GULP1: variants seen among roughly 807,000 people sequenced by gnomAD.
The protein encoded by GULP1 is GULP PTB domain containing engulfment adaptor 1, also known as PTB domain-containing engulfment adapter protein 1.
GULP1 carries 19 observed loss-of-function variants against 40.9 expected under a neutral mutation model. The observed-to-expected ratio is 0.46, with a 90% CI of 0.32 to 0.68. The LOEUF (loss-of-function observed/expected upper bound fraction) is 0.68. Ranked by LOEUF, GULP1 falls within the 30% of genes least tolerant of loss-of-function variation. The probability of loss-of-function intolerance (pLI) is 0.03; values close to 1 mark genes in which losing one functional copy is unlikely to be tolerated. For missense variants in GULP1, 312 were observed against 362.2 expected, an observed-to-expected ratio of 0.86 and a Z score of 1.12; for synonymous variants, 119 against 117.6, an observed-to-expected ratio of 1.01 and a Z score of -0.08.
intron 7 of GULP1, among the ~76,000 whole-genome samples, chr2:188,550,161 A>G (rs1310238947): frequency 2.0e-5 from 3 of 151,772 alleles, no homozygotes; most frequent in Non-Finnish European, 4.4e-5. Context: ...TTATCTGAAA[A>G]TAAAGTTTAC....
At chr2:188,431,875 C>T (rs2056910175) in intron 2 of GULP1, among the ~76,000 whole-genome samples, 1 of 151,708 alleles carries the variant, frequency 6.6e-6, no homozygotes, top group African/African-American at 2.4e-5. Flanking sequence ...TTCTCTCTTA[C>T]TTACTGGTTT....
intron 1 of GULP1, among the ~76,000 whole-genome samples, chr2:188,376,935 A>T (rs2048361612): frequency 6.6e-6 from 1 of 152,164 alleles, no homozygotes; most frequent in African/African-American, 2.4e-5. Context: ...GCACTTTTGG[A>T]AGTTGAGGCT....
At chr2:188,469,135 G>A (rs2152997659) in intron 2 of GULP1, among the ~76,000 whole-genome samples, 1 of 152,296 alleles carries the variant, frequency 6.6e-6, no homozygotes, top group Admixed American at 6.5e-5. Context: ...CTTAACTAAA[G>A]TTTGATTAAG....
chr2:188,562,941 C>T (rs1056589807), intron 7 of GULP1, among the ~76,000 whole-genome samples: 8 of 151,612 alleles, frequency 5.3e-5, no homozygotes, highest in Non-Finnish European at 1.0e-4. Flanking sequence ...ATAACTATAG[C>T]TAAAAGAAAA....
chr2:188,463,895 AT>A (rs1466058239), intron 2 of GULP1, among the ~76,000 whole-genome samples: 6 of 152,086 alleles, frequency 3.9e-5, no homozygotes, highest in Non-Finnish European at 5.9e-5. Flanking sequence ...ATCTGATAGA[AT>A]TTTGAATTCC....
chr2:188,442,205 A>G (rs993125422), intron 2 of GULP1, among the ~76,000 whole-genome samples: 12 of 152,314 alleles, frequency 7.9e-5, no homozygotes, highest in African/African-American at 2.9e-4. Flanking sequence ...GATGTTTTTG[A>G]ATAATATATG....
At chr2:188,495,773 TGTTA>T (rs1422457675) in intron 4 of GULP1, among the ~76,000 whole-genome samples, 3 of 152,074 alleles carry the variant, frequency 2.0e-5, no homozygotes, top group Admixed American at 2.0e-4. Context: ...GCTCATTAAA[TGTTA>T]GTTATTCTCT....
intron 2 of GULP1, among the ~76,000 whole-genome samples, chr2:188,439,233 TA>T (rs2057708550): frequency 6.6e-6 from 1 of 150,864 alleles, no homozygotes; most frequent in African/African-American, 2.5e-5. Flanking sequence ...TCATAAAGAT[TA>T]AAATTTAAAA....
chr2:188,399,378 T>G (rs1193416454), intron 2 of GULP1, among the ~76,000 whole-genome samples: 1 of 151,956 alleles, frequency 6.6e-6, no homozygotes, highest in Non-Finnish European at 1.5e-5. Context: ...TGAGTTTGAG[T>G]CATTTGCCCC....
chr2:188,348,406 G>A (rs1190384459), intron 1 of GULP1, among the ~76,000 whole-genome samples: 1 of 152,118 alleles, frequency 6.6e-6, no homozygotes, highest in Non-Finnish European at 1.5e-5. Context: ...CATCCATCCA[G>A]TAATTGCTGG....
intron 1 of GULP1, among the ~76,000 whole-genome samples, chr2:188,343,352 T>A (rs2043212480): frequency 6.6e-6 from 1 of 151,466 alleles, no homozygotes; most frequent in South Asian, 2.1e-4. Flanking sequence ...AATCAATACT[T>A]TTTTTTTACA....
At chr2:188,529,322 C>T (rs1400980244) in intron 6 of GULP1, 127 bp downstream of exon 6, 4 of 509,936 alleles carry the variant, frequency 7.8e-6, no homozygotes, top group Non-Finnish European at 3.5e-6. Flanking sequence ...CAGTTCGAAA[C>T]TCTAGGAGTT....
chr2:188,329,962 G>C (rs575825592), intron 1 of GULP1, among the ~76,000 whole-genome samples: 1 of 152,084 alleles, frequency 6.6e-6, no homozygotes, highest in Non-Finnish European at 1.5e-5. Context: ...TCAGGAATTT[G>C]ATTTTGTACC....
At chr2:188,300,356 T>C (rs2035913532) in intron 1 of GULP1, among the ~76,000 whole-genome samples, 1 of 152,202 alleles carries the variant, frequency 6.6e-6, no homozygotes, top group East Asian at 1.9e-4. Flanking sequence ...TTTTTATGAA[T>C]AATATTGAAA....
chr2:188,305,234 G>A (rs1031742608), intron 1 of GULP1, among the ~76,000 whole-genome samples: 5 of 152,324 alleles, frequency 3.3e-5, no homozygotes, highest in East Asian at 1.9e-4. Context: ...ATAGGGCGAC[G>A]TATAGGGACT....
intron 2 of GULP1, among the ~76,000 whole-genome samples, chr2:188,391,224 C>T (rs2050477455): frequency 6.6e-6 from 1 of 151,916 alleles, no homozygotes; most frequent in Non-Finnish European, 1.5e-5. Flanking sequence ...ATTATTTATT[C>T]TTCCAATCCA....
chr2:188,364,420 C>G (rs2046474988), intron 1 of GULP1, among the ~76,000 whole-genome samples: 1 of 152,144 alleles, frequency 6.6e-6, no homozygotes, highest in Non-Finnish European at 1.5e-5. Context: ...GGCTGTCAGC[C>G]TTCGCATCTG....
intron 11 of GULP1, chr2:188,591,060 AATACATTACAT>A (rs1330510191): frequency 6.6e-6 from 1 of 152,146 alleles, no homozygotes; most frequent in African/African-American, 2.4e-5. Flanking sequence ...AAAATATATA[AATACATTACAT>A]ATACATAATT....
intron 2 of GULP1, among the ~76,000 whole-genome samples, chr2:188,434,055 G>C (rs531811439): frequency 3.3e-5 from 5 of 151,420 alleles, no homozygotes; most frequent in Non-Finnish European, 7.4e-5. Context: ...TTTTTTTCAG[G>C]TAGTTTGGAT....
Sources: gnomAD v4.1 joint callset for allele counts (sites outside exome capture counted in the v4.1 genomes callset) on GRCh38, gnomAD v4.1.1 for gene constraint, MANE v1.5 for transcripts, NCBI Gene and HGNC (gene_info 2026-07-23, HGNC 2026-07-21) for gene names.